The following PEPD variants were observed in gnomAD, a reference collection of about 807,000 sequenced individuals.
PEPD encodes xaa-Pro dipeptidase.
PEPD carries 53 observed loss-of-function variants against 60.7 expected under a neutral mutation model. The observed-to-expected ratio is 0.87, with a 90% CI of 0.70 to 1.10. PEPD has a LOEUF of 1.10. PEPD is among the 50% of genes least tolerant of loss of function. The pLI, the probability that PEPD is intolerant of heterozygous loss-of-function variation, is 0.00. For missense variants in PEPD, 711 were observed against 711.9 expected (o/e 1.00, Z 0.01); for synonymous variants, 267 against 284.1 (o/e 0.94, Z 0.60).
chr19:33,440,349 T>C (rs1969459173), intron 9 of PEPD, among the ~76,000 whole-genome samples: 1 of 152,020 alleles, frequency 6.6e-6, no homozygotes, highest in Non-Finnish European at 1.5e-5. Flanking sequence ...CTTCACAACC[T>C]ACCCAGGGCC....
At chr19:33,430,056 A>G (rs1463787550) in intron 9 of PEPD, among the ~76,000 whole-genome samples, 1 of 152,152 alleles carries the variant, frequency 6.6e-6, no homozygotes, top group East Asian at 1.9e-4. Context: ...TGGCTTCTGG[A>G]GAGAGGCCAC....
At chr19:33,456,795 G>A (rs979693118) in intron 9 of PEPD, among the ~76,000 whole-genome samples, 1 of 152,110 alleles carries the variant, frequency 6.6e-6, no homozygotes. Flanking sequence ...CCTTTGTGGG[G>A]GTGGCTAAAT....
At chr19:33,463,164 G>T (rs1482480039) in intron 8 of PEPD, 123 bp from the exon 9 acceptor site, 6 of 764,198 alleles carry the variant, frequency 7.9e-6, no homozygotes, top group African/African-American at 1.7e-5. Context: ...AGAATGATAT[G>T]TGCATGCAGT....
chr19:33,416,229 C>T (rs1427163240), intron 9 of PEPD, among the ~76,000 whole-genome samples: 1 of 152,178 alleles, frequency 6.6e-6, no homozygotes, highest in Non-Finnish European at 1.5e-5. Context: ...CAAGTGTGGG[C>T]TATGAGGACA....
intron 9 of PEPD, among the ~76,000 whole-genome samples, chr19:33,417,320 C>T (rs1405409977): frequency 1.3e-5 from 2 of 152,246 alleles, no homozygotes; most frequent in East Asian, 1.9e-4. Flanking sequence ...AGTGAAAATG[C>T]GCAGAGCTGG....
At chr19:33,470,818 C>A (rs1970108319) in intron 7 of PEPD, among the ~76,000 whole-genome samples, 1 of 152,158 alleles carries the variant, frequency 6.6e-6, no homozygotes, top group Non-Finnish European at 1.5e-5. Flanking sequence ...TGTTGCCAAA[C>A]CGGGCACAGC....
intron 7 of PEPD, among the ~76,000 whole-genome samples, chr19:33,470,099 T>C (rs532055969): frequency 5.3e-5 from 8 of 151,274 alleles, no homozygotes; most frequent in Non-Finnish European, 7.4e-5. Context: ...ATCACATCCA[T>C]CCGCTGCTTC....
At chr19:33,401,890 G>A in intron 11 of PEPD, 21 bp from the exon 12 acceptor site, 2 of 1,611,874 alleles carry the variant, frequency 1.2e-6, no homozygotes, top group South Asian at 2.2e-5. Context: ...AGGAAGGCAG[G>A]GCAAGTGGGT....
rs1487018259 is a variant in PEPD, at chr19:33,489,996, T to G, written c.503A>C (p.Lys168Thr). Residue 168 changes from lysine (K) to threonine (T), a missense_variant and splice_region_variant, in exon 6 of 15, where the codon AAG becomes ACG. Transcript: ENST00000244137. ...CREASFDGIS[K>T]FEVNNTILHP... ...GAGTCCCTGGGGGCCCAGGACTCAC[T>G]TGCTGATGCCGTCAAAGGAGGCCTC... 2 of 1,599,944 alleles carry G rather than the reference T, an allele frequency of 1.3e-6. No individual in the cohort carries two copies. The highest frequency in any genetic ancestry group is 1.7e-6 in the Non-Finnish European group (2 of 1,170,022).
intron 11 of PEPD, 91 bp downstream of exon 11, chr19:33,411,581 G>A: frequency 6.6e-6 from 5 of 754,908 alleles, no homozygotes; most frequent in Non-Finnish European, 9.6e-6. Context: ...TCTCAGGACA[G>A]GGACCCAGAG....
At chr19:33,434,833 G>A (rs1232428301) in intron 9 of PEPD, among the ~76,000 whole-genome samples, 1 of 151,844 alleles carries the variant, frequency 6.6e-6, no homozygotes, top group African/African-American at 2.4e-5. Context: ...TCACACATAC[G>A]GTCCAGCCCT....
At chr19:33,472,979 A>G (rs1442128029) in intron 7 of PEPD, among the ~76,000 whole-genome samples, 6 of 152,244 alleles carry the variant, frequency 3.9e-5, no homozygotes, top group East Asian at 1.9e-4. Flanking sequence ...GAATCAATCA[A>G]TAAGTCCTCT....
At chr19:33,490,214 C>T (rs907932742) in intron 5 of PEPD, among the ~76,000 whole-genome samples, 157 bp from the exon 6 acceptor site, 3 of 152,164 alleles carry the variant, frequency 2.0e-5, no homozygotes, top group Non-Finnish European at 2.9e-5. Flanking sequence ...GCTCCAGGCC[C>T]GGCCCCAACA....
intron 12 of PEPD, among the ~76,000 whole-genome samples, chr19:33,393,324 C>T (rs1048066663): frequency 1.3e-5 from 2 of 151,856 alleles, no homozygotes; most frequent in East Asian, 1.9e-4. Flanking sequence ...GGGGAGAGCC[C>T]GGGCAGACCT....
chr19:33,488,104 A>C (rs1271467116), intron 6 of PEPD, among the ~76,000 whole-genome samples: 3 of 152,052 alleles, frequency 2.0e-5, no homozygotes, highest in Admixed American at 2.0e-4. Flanking sequence ...CTAGAGGAGG[A>C]GCAAGCAAAG....
intron 7 of PEPD, chr19:33,477,028 C>T (rs1364144877): frequency 4.6e-5 from 7 of 152,232 alleles, no homozygotes; most frequent in Admixed American, 4.6e-4. Context: ...CAAGGGTTTC[C>T]TGTGTTTCCC....
chr19:33,442,607 G>A (rs1969504180), intron 9 of PEPD, among the ~76,000 whole-genome samples: 1 of 151,774 alleles, frequency 6.6e-6, no homozygotes, highest in South Asian at 2.1e-4. Flanking sequence ...TACTCGGGAG[G>A]CTGAGGCAGG....
intron 9 of PEPD, among the ~76,000 whole-genome samples, chr19:33,422,198 A>C (rs73927875): frequency 2.0e-5 from 3 of 151,650 alleles, no homozygotes; most frequent in Non-Finnish European, 2.9e-5. Flanking sequence ...CCACCCCAGA[A>C]AGCCACAGCA....
intron 9 of PEPD, among the ~76,000 whole-genome samples, chr19:33,419,061 TCCTACACCA>T (rs1195072850): frequency 1.3e-5 from 2 of 152,128 alleles, no homozygotes; most frequent in African/African-American, 4.8e-5. Context: ...TTCCTGCCGC[TCCTACACCA>T]GTCCTGGCCC....
Sources: allele counts gnomAD v4.1 joint callset (sites outside exome capture counted in the v4.1 genomes callset), GRCh38; gene constraint gnomAD v4.1.1; transcripts MANE v1.5; gene names NCBI Gene and HGNC (gene_info 2026-07-23, HGNC 2026-07-21).